TSPAN9: variants seen among roughly 807,000 people sequenced by gnomAD.
TSPAN9 encodes the protein tetraspanin-9.
A neutral mutation model predicts 31.0 loss-of-function variants in TSPAN9; 16 were observed. The ratio of observed to expected loss-of-function variants is 0.52; its 90% confidence interval spans 0.35 to 0.78. The LOEUF is 0.78. TSPAN9 is among the 30% of genes least tolerant of loss of function. TSPAN9 has a pLI of 0.01. For missense variants in TSPAN9, 272 were observed against 312.5 expected, an observed-to-expected ratio of 0.87 and a Z score of 0.98; for synonymous variants, 145 against 121.6, an observed-to-expected ratio of 1.19 and a Z score of -1.27.
intron 3 of TSPAN9, among the ~76,000 whole-genome samples, chr12:3,274,435 A>G (rs898961772): frequency 1.3e-5 from 2 of 151,834 alleles, no homozygotes. Context: ...AGAATCAGGC[A>G]GCTCTATGCA....
intron 2 of TSPAN9, among the ~76,000 whole-genome samples, chr12:3,086,731 T>C (rs1465210812): frequency 2.0e-5 from 3 of 152,240 alleles, no homozygotes; most frequent in African/African-American, 4.8e-5. Context: ...GGATTGCTGC[T>C]AACTCTCACA....
intron 2 of TSPAN9, among the ~76,000 whole-genome samples, chr12:3,195,993 G>C (rs1037481734): frequency 6.6e-6 from 1 of 152,166 alleles, no homozygotes; most frequent in Non-Finnish European, 1.5e-5. Flanking sequence ...GTCGTGAGTG[G>C]GGGTAGAAGG....
chr12:3,207,081 A>G (rs1363929868), intron 3 of TSPAN9, among the ~76,000 whole-genome samples: 1 of 152,064 alleles, frequency 6.6e-6, no homozygotes, highest in Non-Finnish European at 1.5e-5. Context: ...CCCTTCAGGA[A>G]TGGCTTCTGG....
chr12:3,136,965 G>T (rs551117035), intron 2 of TSPAN9, among the ~76,000 whole-genome samples: 1 of 152,318 alleles, frequency 6.6e-6, no homozygotes, highest in Non-Finnish European at 1.5e-5. Context: ...GTCCTGCTGT[G>T]AAGGCTTCGG....
chr12:3,152,215 G>T (rs542772769), intron 2 of TSPAN9, among the ~76,000 whole-genome samples: 1 of 152,290 alleles, frequency 6.6e-6, no homozygotes, highest in African/African-American at 2.4e-5. Flanking sequence ...GGAAGCAGCT[G>T]CCACTTCCCA....
rs11322656 is a variant in TSPAN9, at chr12:3,180,482, GAA to G, written c.-17-20684_-17-20683del. Reference sequence around the variant, plus strand: ...GCAGAGCGAGATGCTGTATCTAAAAGAAAAAAAAAAAAGTCTTCTGACCCACT... The same window carrying G: ...GCAGAGCGAGATGCTGTATCTAAAAGAAAAAAAAAAGTCTTCTGACCCACT... On this transcript the variant is annotated intron_variant, in intron 2 of 8. Coordinates refer to ENST00000011898, the MANE Select transcript of TSPAN9 (RefSeq NM_006675.5). Among the ~76,000 whole-genome samples, 185 of 143,768 alleles carry G rather than the reference GAA, an allele frequency of 1.3e-3. 1 individual carries two copies. The East Asian group carries it at 0.032, about 25-fold the overall frequency. The allele number at this position is 143,768 out of a possible 152,430, so 94.3% of individuals were successfully genotyped here.
At chr12:3,113,454 T>C (rs1418820969) in intron 2 of TSPAN9, among the ~76,000 whole-genome samples, 2 of 152,232 alleles carry the variant, frequency 1.3e-5, no homozygotes, top group Non-Finnish European at 2.9e-5. Context: ...TTCAACTTGC[T>C]CTTTCCTGTT....
At chr12:3,091,471 A>C (rs1297937905) in intron 2 of TSPAN9, among the ~76,000 whole-genome samples, 1 of 152,196 alleles carries the variant, frequency 6.6e-6, no homozygotes. Flanking sequence ...TGGGTCATTA[A>C]TGCATCCCCA....
chr12:3,138,379 C>T (rs961563564), intron 2 of TSPAN9, among the ~76,000 whole-genome samples: 1 of 152,062 alleles, frequency 6.6e-6, no homozygotes, highest in Non-Finnish European at 1.5e-5. Context: ...GGGGGCTAGT[C>T]CAGGGTGAAT....
At chr12:3,144,504 C>A (rs1363491093) in intron 2 of TSPAN9, among the ~76,000 whole-genome samples, 1 of 152,166 alleles carries the variant, frequency 6.6e-6, no homozygotes, top group Non-Finnish European at 1.5e-5. Context: ...CCAGCAATGA[C>A]CAGAAGCTAG....
Position 3,211,934 on chromosome 12 carries a change from G to A in TSPAN9, c.63+10678G>A, listed in dbSNP as rs148315976. 2.4e-5 allele frequency: 33 copies of A among 1,358,312 alleles called. No homozygotes were observed. In the African/African-American group the frequency reaches 4.1e-4, roughly 17 times the overall value. The allele number at this position is 1,358,312 out of a possible 1,614,324, so 84.1% of individuals were successfully genotyped here. ...GAGAGGCATGTTCTCGTGTGCGTAG[G>A]TCGTCACCACCGGAAAGCAAAATTG... is the stretch of plus-strand genomic sequence containing the variant. On this transcript the variant is annotated intron_variant, in intron 3 of 8. Transcript: ENST00000011898.
At chr12:3,109,285 TGTGTGTGTGTGTGTGAGAGAGA>T (rs943970241) in intron 2 of TSPAN9, among the ~76,000 whole-genome samples, 5 of 130,812 alleles carry the variant, frequency 3.8e-5, no homozygotes, top group Non-Finnish European at 6.2e-5. Flanking sequence ...TGTGTGTGTG[TGTGTGTGTGTGTGTGAGAGAGA>T]GTGTGTGTGT....
chr12:3,088,513 G>T lies in TSPAN9; in HGVS notation c.-18+4794G>T, dbSNP rs183736659. On this transcript the variant is annotated intron_variant, in intron 2 of 8. Coordinates refer to ENST00000011898, the MANE Select transcript of TSPAN9 (RefSeq NM_006675.5). ...TCCAGGCTGTGGCCGGCAGAGAGGG[G>T]AGGGGGCTGGAACAACCTGTCTTGG... Among the ~76,000 whole-genome samples the T allele has an allele frequency of 5.8e-3, 876 of 152,328 alleles. 4 individuals are homozygous for T. Among genetic ancestry groups the T allele is most frequent in the Middle Eastern group, 0.02 (6 of 294 alleles).
chr12:3,179,835 A>G (rs534336696), intron 2 of TSPAN9, among the ~76,000 whole-genome samples: 1 of 152,316 alleles, frequency 6.6e-6, no homozygotes, highest in East Asian at 1.9e-4. Context: ...GATAGTGGTG[A>G]GATTGACGGA....
rs1014366394 is a variant in TSPAN9, at chr12:3,285,271, G to A, written c.*2155G>A. 1 of 151,472 alleles carries A rather than the reference G, an allele frequency of 6.6e-6. No individual in the cohort carries two copies. The highest frequency in any genetic ancestry group is 1.5e-5 in the Non-Finnish European group (1 of 67,848). 9.4% of individuals were successfully genotyped at this position (151,472 alleles called of 1,614,324 possible). On this transcript the variant is annotated 3_prime_UTR_variant, in exon 9 of 9. Transcript: ENST00000011898. ...GCCTCGTGCGTTTTTTGCTGTGGGT[G>A]GGGTGGGTGGGTTGGTTTATGCCTA...
chr12:3,091,275 C>G (rs779061477), intron 2 of TSPAN9, among the ~76,000 whole-genome samples: 3 of 152,254 alleles, frequency 2.0e-5, no homozygotes, highest in Non-Finnish European at 4.4e-5. Flanking sequence ...AGGGCCCAGG[C>G]CTATGTGATT....
chr12:3,198,224 TCACCAC>T (rs2098368415), intron 2 of TSPAN9, among the ~76,000 whole-genome samples: 5 of 32,860 alleles, frequency 1.5e-4, no homozygotes, highest in Admixed American at 4.5e-4. Context: ...CCAGCACAGG[TCACCAC>T]CAGCACAGGT....
chr12:3,109,071 G>C (rs911420473), intron 2 of TSPAN9, among the ~76,000 whole-genome samples: 1 of 151,990 alleles, frequency 6.6e-6, no homozygotes, highest in Admixed American at 6.6e-5. Context: ...GAGTAGCTGG[G>C]ACTACAGGCA....
At chr12:3,213,080 G>A (rs2098379588) in intron 3 of TSPAN9, among the ~76,000 whole-genome samples, 1 of 152,170 alleles carries the variant, frequency 6.6e-6, no homozygotes, top group South Asian at 2.1e-4. Flanking sequence ...GGAATTGCTT[G>A]GGTACAGCGG....
Sources: allele counts gnomAD v4.1 joint callset (sites outside exome capture counted in the v4.1 genomes callset), GRCh38; gene constraint gnomAD v4.1.1; transcripts MANE v1.5; gene names NCBI Gene and HGNC (gene_info 2026-07-23, HGNC 2026-07-21).